Variants in KIRREL1 observed in about 807,000 individuals in gnomAD.
The protein encoded by KIRREL1 is kirre like nephrin family adhesion molecule 1.
Under a neutral mutation model 83.3 loss-of-function variants are expected in KIRREL1, and 25 were observed. That is an observed-to-expected ratio of 0.30 (90% CI 0.22 to 0.42). The LOEUF (loss-of-function observed/expected upper bound fraction) is 0.42. KIRREL1 is among the 10% of genes least tolerant of loss of function. The probability of loss-of-function intolerance (pLI) is 1.00; values close to 1 mark genes in which losing one functional copy is unlikely to be tolerated. For missense variants in KIRREL1, 812 were observed against 1,032.3 expected, an observed-to-expected ratio of 0.79 and a Z score of 2.92; for synonymous variants, 388 against 410.4, an observed-to-expected ratio of 0.95 and a Z score of 0.66.
chr1:158,074,528 G>T (rs556898221), intron 1 of KIRREL1, among the ~76,000 whole-genome samples: 5 of 152,162 alleles, frequency 3.3e-5, no homozygotes, highest in African/African-American at 1.2e-4. Flanking sequence ...CCTACTAGTT[G>T]CCCTCTACCC....
chr1:158,063,777 C>A (rs1215093662), intron 1 of KIRREL1, among the ~76,000 whole-genome samples: 1 of 152,192 alleles, frequency 6.6e-6, no homozygotes, highest in Non-Finnish European at 1.5e-5. Context: ...ACTCATCCCT[C>A]GGATCTTGTC....
At chr1:158,016,746 G>A (rs975531983) in intron 1 of KIRREL1, among the ~76,000 whole-genome samples, 6 of 152,230 alleles carry the variant, frequency 3.9e-5, no homozygotes, top group African/African-American at 1.2e-4. Context: ...TCTCCAAAGT[G>A]AGGAACCTAC....
At chr1:158,011,065 T>G (rs1392206041) in intron 1 of KIRREL1, among the ~76,000 whole-genome samples, 1 of 152,162 alleles carries the variant, frequency 6.6e-6, no homozygotes, top group Admixed American at 6.5e-5. Context: ...AATCTCAGAT[T>G]GTCTGCAAAG....
chr1:158,091,520 G>C lies in KIRREL1; in HGVS notation c.1435G>C (p.Gly479Arg), dbSNP rs760167804. 6.2e-7 allele frequency: 1 copy of C among 1,614,224 alleles called. No homozygotes were observed. Among genetic ancestry groups the C allele is most frequent in the South Asian group, 1.1e-5 (1 of 91,088 alleles). Residue 479 changes from glycine (G) to arginine (R), a missense_variant, in exon 11 of 15, where the codon GGG becomes CGG. Physicochemically the swap from Gly to Arg is moderately radical, Grantham distance 125 (BLOSUM62 -2). Coordinates refer to ENST00000359209, the MANE Select transcript of KIRREL1 (RefSeq NM_018240.7). ...CAACTGCACCGCCTGGAACAGCTTC[G>C]GGCCAGGCACAGCCATCATCCAGCT... ...HYNCTAWNSFGPGTAIIQLEE... is the reference protein window; with the variant it reads ...HYNCTAWNSFRPGTAIIQLEE...
At chr1:158,046,629 C>G (rs1660785603) in intron 1 of KIRREL1, among the ~76,000 whole-genome samples, 1 of 151,844 alleles carries the variant, frequency 6.6e-6, no homozygotes, top group South Asian at 2.1e-4. Context: ...GTGGAGCAGG[C>G]AAGAGAGGAG....
At chr1:158,041,383 A>G (rs372527217) in intron 1 of KIRREL1, among the ~76,000 whole-genome samples, 5 of 152,226 alleles carry the variant, frequency 3.3e-5, no homozygotes, top group Non-Finnish European at 5.9e-5. Flanking sequence ...GGGAGAGACA[A>G]TTCAGGAGGG....
intron 3 of KIRREL1, among the ~76,000 whole-genome samples, chr1:158,080,704 G>A (rs530262242): frequency 1.3e-5 from 2 of 152,146 alleles, no homozygotes; most frequent in Non-Finnish European, 2.9e-5. Context: ...CTTCCTCCCG[G>A]GTGTGGCAGC....
rs151216976 is a variant in KIRREL1 at position 158,075,948 on chromosome 1, G to A, written c.53-165G>A. On this transcript the variant is annotated intron_variant, in intron 1 of 14. Transcript: ENST00000359209. ...GGAGGAAGGAATAAAGGGTAAGGAC[G>A]TGGCATCTTGAAACAAAGGGGTTGA... 2.7e-3 allele frequency among the ~76,000 whole-genome samples: 412 copies of A among 152,310 alleles called. 1 individual carries two copies. The highest frequency in any genetic ancestry group is 9.1e-3 in the African/African-American group (379 of 41,558).
At position 158,055,932 on chromosome 1, in the gene KIRREL1, C is replaced by T. The variant is rs182319620; in HGVS notation, c.53-20181C>T. 5.5e-3 allele frequency among the ~76,000 whole-genome samples: 838 copies of T among 152,310 alleles called. 10 individuals carry two copies. The highest frequency in any genetic ancestry group is 0.019 in the African/African-American group (807 of 41,568). ...GACAGCAGTAACTTTGGCAGCTTTA[C>T]CTCTTCCGCATCTACCACCTGAGGA... On this transcript the variant is annotated intron_variant, in intron 1 of 14. Transcript: ENST00000359209.
Position 158,095,076 on chromosome 1 carries a change from G to T in KIRREL1, c.2230G>T (p.Asp744Tyr). Residue 744 changes from aspartate (D) to tyrosine (Y), a missense_variant, in exon 15 of 15, where the codon GAC becomes TAC. Physicochemically the swap from Asp to Tyr is radical, Grantham distance 160 (BLOSUM62 -3). Coordinates refer to ENST00000359209, the MANE Select transcript of KIRREL1 (RefSeq NM_018240.7). ...ATTCTCCTACACCTCCCAGCACTCG[G>T]ACTACGGCCAGCGATTCCAGCAGCG... ...TRFSYTSQHS[D>Y]YGQRFQQRMQ... 1 of 1,610,890 alleles carries T rather than the reference G, an allele frequency of 6.2e-7. No homozygotes were observed. The highest frequency in any genetic ancestry group is 8.5e-7 in the Non-Finnish European group (1 of 1,177,772).
At chr1:158,043,319 C>A (rs1432148408) in intron 1 of KIRREL1, among the ~76,000 whole-genome samples, 2 of 152,140 alleles carry the variant, frequency 1.3e-5, no homozygotes, top group Non-Finnish European at 2.9e-5. Flanking sequence ...GCACCTCATT[C>A]CCCCCTTATG....
At chr1:158,016,908 C>A (rs1337124483) in intron 1 of KIRREL1, among the ~76,000 whole-genome samples, 1 of 152,238 alleles carries the variant, frequency 6.6e-6, no homozygotes, top group Non-Finnish European at 1.5e-5. Flanking sequence ...GCTTGCACAA[C>A]CTGCCCTAGC....
In KIRREL1 at chr1:158,097,305, G is replaced by T; in HGVS notation, c.*2185G>T. On this transcript the variant is annotated 3_prime_UTR_variant, in exon 15 of 15. Transcript: ENST00000359209. ...CAAAGACTTGAAGTCTAAAGATGGT[G>T]GCTTTTAAAACATGCATATTCCAAA... 9.8e-6 allele frequency: 3 copies of T among 306,986 alleles called. No homozygotes were observed. Among genetic ancestry groups the T allele is most frequent in the East Asian group, 8.9e-5 (1 of 11,226 alleles). 19.0% of individuals were successfully genotyped at this position (306,986 alleles called of 1,614,324 possible).
At chr1:158,056,305 C>G (rs1354801913) in intron 1 of KIRREL1, among the ~76,000 whole-genome samples, 2 of 152,224 alleles carry the variant, frequency 1.3e-5, no homozygotes, top group African/African-American at 2.4e-5. Context: ...GATGACAGAT[C>G]TTCTGCCCTT....
chr1:158,082,657 C>T (rs111529623), intron 3 of KIRREL1, among the ~76,000 whole-genome samples: 118 of 152,224 alleles, frequency 7.8e-4, no homozygotes, highest in African/African-American at 2.7e-3. Context: ...CTTGTCTTTC[C>T]CAGAAAGAAG....
At chr1:157,998,019 C>T (rs1659252797) in intron 1 of KIRREL1, among the ~76,000 whole-genome samples, 1 of 152,162 alleles carries the variant, frequency 6.6e-6, no homozygotes, top group African/African-American at 2.4e-5. Flanking sequence ...GCTAGGACCA[C>T]ACACACCTGG....
intron 1 of KIRREL1, among the ~76,000 whole-genome samples, chr1:158,051,598 T>C (rs999657572): frequency 1.3e-5 from 2 of 152,224 alleles, no homozygotes; most frequent in Non-Finnish European, 2.9e-5. Context: ...AATGGATACC[T>C]GCTCTCTTCT....
intron 1 of KIRREL1, among the ~76,000 whole-genome samples, chr1:158,016,179 C>T (rs899006168): frequency 2.0e-5 from 3 of 152,014 alleles, no homozygotes; most frequent in Non-Finnish European, 2.9e-5. Context: ...TGGCGTCTGC[C>T]TGTAGTCCCA....
Position 158,078,149 on chromosome 1 carries a change from C to A in KIRREL1, c.352+9C>A. Reference sequence around the variant, plus strand: ...CAAACTCACCGTGCTCAGTAAGGACCCCAATACCCTTCAGTACTTCGAGGC... The same window carrying A: ...CAAACTCACCGTGCTCAGTAAGGACACCAATACCCTTCAGTACTTCGAGGC... On this transcript the variant is annotated intron_variant, in intron 3 of 14. Coordinates refer to ENST00000359209, the MANE Select transcript of KIRREL1 (RefSeq NM_018240.7). 2 of 1,612,966 alleles carry A rather than the reference C, an allele frequency of 1.2e-6. No homozygotes were observed. The highest frequency in any genetic ancestry group is 2.2e-5 in the East Asian group (1 of 44,836).
Sources: gnomAD v4.1 joint callset for allele counts (sites outside exome capture counted in the v4.1 genomes callset) on GRCh38, gnomAD v4.1.1 for gene constraint, MANE v1.5 for transcripts, NCBI Gene and HGNC (gene_info 2026-07-23, HGNC 2026-07-21) for gene names.